FAM161A: variants seen among roughly 807,000 people sequenced by gnomAD.
FAM161A encodes the protein FAM161 centrosomal protein A.
Under a neutral mutation model 70.9 loss-of-function variants are expected in FAM161A, and 57 were observed. The ratio of observed to expected loss-of-function variants is 0.80; its 90% CI spans 0.65 to 1.00. The LOEUF (loss-of-function observed/expected upper bound fraction) is 1.00, where lower values mean the gene tolerates loss of function less well. Among genes scored for constraint, FAM161A ranks in the 50% least tolerant of loss-of-function variants. FAM161A has a pLI of 0.00. For missense variants in FAM161A, 880 were observed against 836.0 expected, an observed-to-expected ratio of 1.05 and a Z score of -0.65; for synonymous variants, 299 against 295.7, an observed-to-expected ratio of 1.01 and a Z score of -0.12.
At chr2:61,834,759 G>A (rs748213483) in intron 5 of FAM161A, among the ~76,000 whole-genome samples, 3 of 151,968 alleles carry the variant, frequency 2.0e-5, no homozygotes, top group African/African-American at 4.8e-5. Context: ...GAGCCACGGC[G>A]CCTGGCATAC....
chr2:61,820,437 T>C, downstream of FAM161A: 3 of 756,620 alleles, frequency 4.0e-6, no homozygotes, highest in African/African-American at 1.7e-5. Flanking sequence ...ACAAGGTGGA[T>C]GGGAGAGCTG....
At chr2:61,848,910 ATATATT>A (rs1348176560) in intron 1 of FAM161A, among the ~76,000 whole-genome samples, 86 of 1,938 alleles carry the variant, frequency 0.044, 26 homozygotes, top group East Asian at 0.33. Flanking sequence ...ATATATATTT[ATATATT>A]TATATATATT....
At chr2:61,814,501 C>T in the FAM161A span, among the ~76,000 whole-genome samples, 4 of 152,082 alleles carry the variant, frequency 2.6e-5, no homozygotes, top group Admixed American at 6.6e-5. Flanking sequence ...TTCCTCTGCT[C>T]GAGAGGAGTT....
the FAM161A span, among the ~76,000 whole-genome samples, chr2:61,816,320 C>T: frequency 1.3e-5 from 2 of 152,166 alleles, no homozygotes; most frequent in African/African-American, 4.8e-5. Flanking sequence ...AGCTCTCTGA[C>T]CTTGACTGAC....
chr2:61,815,535 CTTTTTTTTTTTTTTTTTT>C, the FAM161A span, among the ~76,000 whole-genome samples: 13 of 53,208 alleles, frequency 2.4e-4, no homozygotes, highest in Admixed American at 3.0e-4. Context: ...AAAGATGTGT[CTTTTTTTTTTTTTTTTTT>C]TTTTTTTTTT....
At chr2:61,815,312 C>T in the FAM161A span, among the ~76,000 whole-genome samples, 9 of 152,178 alleles carry the variant, frequency 5.9e-5, no homozygotes, top group East Asian at 1.5e-3. Context: ...AACCTTTGTC[C>T]AAATGCCATG....
chr2:61,815,535 CTTTTTTTTTTTTTT>C, the FAM161A span, among the ~76,000 whole-genome samples: 31 of 53,240 alleles, frequency 5.8e-4, 1 homozygote, highest in East Asian at 2.0e-3. Flanking sequence ...AAAGATGTGT[CTTTTTTTTTTTTTT>C]TTTTTTTTTT....
chr2:61,827,312 C>A (rs962627015), intron 5 of FAM161A, 54 bp from the exon 6 acceptor site: 20 of 1,589,124 alleles, frequency 1.3e-5, no homozygotes, highest in Non-Finnish European at 1.6e-5. Flanking sequence ...AAATTTTCAT[C>A]AAAAATGTAT....
the FAM161A span, among the ~76,000 whole-genome samples, chr2:61,803,988 T>C: frequency 6.6e-6 from 1 of 152,016 alleles, no homozygotes. Flanking sequence ...ATTAGGAAAG[T>C]AAAGGAATAA....
At chr2:61,839,339 A>C (rs1291472844) in intron 3 of FAM161A, 82 bp downstream of exon 3, 2 of 1,289,708 alleles carry the variant, frequency 1.6e-6, no homozygotes, top group Admixed American at 3.4e-5. Flanking sequence ...GTATTTTCAA[A>C]TTTACCAACA....
the FAM161A span, among the ~76,000 whole-genome samples, chr2:61,816,145 T>A: frequency 2.0e-4 from 31 of 152,296 alleles, no homozygotes; most frequent in African/African-American, 6.3e-4. Context: ...TCCATTGACG[T>A]TGGCTTTCTC....
rs145280946 is a variant in FAM161A, at chr2:61,829,010, G to A, written c.1852-1752C>T. Among the ~76,000 whole-genome samples the A allele has an allele frequency of 1.9e-3, 292 of 152,236 alleles. 1 individual carries two copies. The highest frequency in any genetic ancestry group is 6.6e-3 in the African/African-American group (274 of 41,534). On this transcript the variant is annotated intron_variant, in intron 5 of 6. Coordinates refer to ENST00000404929, the MANE Select transcript of FAM161A (RefSeq NM_001201543.2). Reference sequence around the variant, plus strand: ...AAGCTAAGACCTCCAAGTAAAGCAAGCATTCCTAATACTAGGAATGGCCCA... The same window carrying A: ...AAGCTAAGACCTCCAAGTAAAGCAAACATTCCTAATACTAGGAATGGCCCA...
In FAM161A at chr2:61,826,336, T is replaced by G. The variant is rs922847303; in HGVS notation, c.*119A>C. The G allele has an allele frequency of 2.7e-6, 3 of 1,128,704 alleles. No individual in the cohort carries two copies. In the African/African-American group the frequency reaches 4.6e-5, roughly 17 times the overall value. 69.9% of individuals were successfully genotyped at this position (1,128,704 alleles called of 1,614,324 possible). A position where few individuals can be genotyped will look rare whatever the true frequency, so the allele number is the denominator to read the frequency against. ...AGGCTTTTCAGGCTACAGATGACTT[T>G]GATCAACAGCCCTGCACATATCAGA... On this transcript the variant is annotated 3_prime_UTR_variant, in exon 7 of 7. Transcript: ENST00000404929.
rs753183268 is a variant in FAM161A at position 61,842,177 on chromosome 2, A to C, written c.367T>G (p.Leu123Val). 2.5e-6 allele frequency: 4 copies of C among 1,613,914 alleles called. No homozygotes were observed. The South Asian group carries it at 4.4e-5, about 18-fold the overall frequency. Residue 123 changes from leucine to valine, a missense_variant, in exon 2 of 7, where the codon TTA becomes GTA. Physicochemically the swap from Leu to Val is conservative, Grantham distance 32. Transcript: ENST00000404929. ...LEKMYQDKLHLKEVQPVVIRE... is the reference protein window; with the variant it reads ...LEKMYQDKLHVKEVQPVVIRE... ...ATGACCACTGGCTGAACTTCCTTTAAATGTAATTTATCCTGGTACATTTTC... is the reference window on the plus strand; with the variant it reads ...ATGACCACTGGCTGAACTTCCTTTACATGTAATTTATCCTGGTACATTTTC...
chr2:61,803,139 A>G, the FAM161A span: 2 of 461,062 alleles, frequency 4.3e-6, no homozygotes, highest in Non-Finnish European at 8.1e-6. Context: ...TTCAGAGGAA[A>G]CAGATGCTCA....
intron 5 of FAM161A, among the ~76,000 whole-genome samples, chr2:61,831,775 CTCTCAA>C (rs1672584087): frequency 6.6e-6 from 1 of 152,100 alleles, no homozygotes; most frequent in African/African-American, 2.4e-5. Context: ...TTTCAGCAAC[CTCTCAA>C]AAAACATTAT....
At chr2:61,801,503 A>G in the FAM161A span, among the ~76,000 whole-genome samples, 2 of 151,854 alleles carry the variant, frequency 1.3e-5, no homozygotes, top group African/African-American at 4.8e-5. Context: ...TCTCAAAAAA[A>G]AAAAAATAGA....
intron 3 of FAM161A, among the ~76,000 whole-genome samples, 174 bp from the exon 4 acceptor site, chr2:61,838,879 TATTTA>T (rs1558482258): frequency 5.6e-5 from 8 of 144,024 alleles, no homozygotes; most frequent in South Asian, 4.3e-4. Context: ...TTTATTTATT[TATTTA>T]TTTATTTATT....
intron 5 of FAM161A, among the ~76,000 whole-genome samples, chr2:61,829,305 A>T (rs1422617015): frequency 6.6e-6 from 1 of 152,144 alleles, no homozygotes; most frequent in Non-Finnish European, 1.5e-5. Context: ...TAGTTGTCAG[A>T]TATTTGCCAA....
Sources: gnomAD v4.1 joint callset for allele counts (sites outside exome capture counted in the v4.1 genomes callset) on GRCh38, gnomAD v4.1.1 for gene constraint, MANE v1.5 for transcripts, NCBI Gene and HGNC (gene_info 2026-07-23, HGNC 2026-07-21) for gene names.